The following CDH23 variants were observed in gnomAD, a reference collection of about 807,000 sequenced individuals.
CDH23 encodes cadherin related 23.
In CDH23, 189 loss-of-function variants were observed where a neutral mutation model predicts 317.1. The observed-to-expected ratio is 0.60, with a 90% CI of 0.53 to 0.67. CDH23 has a LOEUF of 0.67. Among genes scored for constraint, CDH23 ranks in the 30% least tolerant of loss-of-function variants. The pLI, the probability that CDH23 is intolerant of heterozygous loss-of-function variation, is 0.00. For missense variants in CDH23, 4,401 were observed against 4,592.4 expected (o/e 0.96, Z 1.20); for synonymous variants, 1,839 against 1,876.8 (o/e 0.98, Z 0.52).
At chr10:71,583,899 G>A (rs367697311) in intron 9 of CDH23, among the ~76,000 whole-genome samples, 40 of 152,210 alleles carry the variant, frequency 2.6e-4, no homozygotes, top group South Asian at 1.4e-3. Context: ...CAAGTCCCTC[G>A]GGTTCCAGAA....
chr10:71,788,817 G>T, intron 44 of CDH23, 123 bp from the exon 45 acceptor site: 1 of 649,086 alleles, frequency 1.5e-6, no homozygotes, highest in Non-Finnish European at 2.8e-6. Context: ...GTTCATGTTG[G>T]TGTGGGCTTT....
intron 6 of CDH23, among the ~76,000 whole-genome samples, chr10:71,530,069 A>ACACACACACACC (rs1260256322): frequency 6.9e-6 from 1 of 145,014 alleles, no homozygotes; most frequent in Non-Finnish European, 1.5e-5. Context: ...ACACACACAC[A>ACACACACACACC]CTCTCCCCAG....
chr10:71,777,335 TC>T (rs1179610355), intron 38 of CDH23, among the ~76,000 whole-genome samples: 5 of 152,280 alleles, frequency 3.3e-5, no homozygotes, highest in African/African-American at 1.2e-4. Flanking sequence ...CCAGGGTTCA[TC>T]CCATATGCCA....
At chr10:71,416,120 G>A (rs1488548407) in intron 1 of CDH23, among the ~76,000 whole-genome samples, 1 of 152,150 alleles carries the variant, frequency 6.6e-6, no homozygotes, top group South Asian at 2.1e-4. Flanking sequence ...CACCTCCCAG[G>A]TTCAAGCAAT....
chr10:71,405,520 C>A (rs778417264), intron 1 of CDH23, among the ~76,000 whole-genome samples: 2 of 151,844 alleles, frequency 1.3e-5, no homozygotes, highest in African/African-American at 4.8e-5. Flanking sequence ...TCACTGCAAC[C>A]GCCACCTCCC....
chr10:71,668,831 A>G (rs997813304), intron 14 of CDH23, among the ~76,000 whole-genome samples: 1 of 152,170 alleles, frequency 6.6e-6, no homozygotes, highest in Non-Finnish European at 1.5e-5. Context: ...TTAACCTTGG[A>G]ATTTTTCACC....
chr10:71,673,336 C>A (rs1864224914), intron 14 of CDH23, among the ~76,000 whole-genome samples: 1 of 152,226 alleles, frequency 6.6e-6, no homozygotes, highest in African/African-American at 2.4e-5. Context: ...AGTGACCCCT[C>A]GCCAAGGGGT....
intron 37 of CDH23, 146 bp from the exon 38 acceptor site, chr10:71,741,548 T>A (rs1839732513): frequency 1.5e-6 from 1 of 671,710 alleles, no homozygotes; most frequent in Non-Finnish European, 2.6e-6. Flanking sequence ...GCTGCTATCA[T>A]CCTTATTATC....
At chr10:71,753,793 C>A in intron 38 of CDH23, 1 of 456,470 alleles carries the variant, frequency 2.2e-6, no homozygotes, top group South Asian at 1.5e-5. Flanking sequence ...AGGGGCACAA[C>A]AACAGAACAA....
At chr10:71,485,446 C>T (rs907693826) in intron 3 of CDH23, among the ~76,000 whole-genome samples, 2 of 152,240 alleles carry the variant, frequency 1.3e-5, no homozygotes, top group Non-Finnish European at 2.9e-5. Context: ...ATCCGTCCTG[C>T]ATTGACCTTT....
At chr10:71,749,975 G>A (rs970830907) in intron 38 of CDH23, 11 of 152,370 alleles carry the variant, frequency 7.2e-5, no homozygotes, top group Non-Finnish European at 1.3e-4. Context: ...CCTGCTAAAC[G>A]CTACAGGGGG....
At chr10:71,584,674 G>A (rs1409667809) in intron 9 of CDH23, among the ~76,000 whole-genome samples, 1 of 152,134 alleles carries the variant, frequency 6.6e-6, no homozygotes, top group Non-Finnish European at 1.5e-5. Context: ...GCCTAGTGGG[G>A]GACAGCTATC....
At chr10:71,561,929 C>T (rs1459858080) in intron 6 of CDH23, among the ~76,000 whole-genome samples, 1 of 152,068 alleles carries the variant, frequency 6.6e-6, no homozygotes, top group Non-Finnish European at 1.5e-5. Context: ...CAGAAGTGAT[C>T]ATGCCCCATG....
At chr10:71,647,746 T>G (rs527313417) in intron 14 of CDH23, 2 of 152,322 alleles carry the variant, frequency 1.3e-5, no homozygotes, top group South Asian at 4.1e-4. Flanking sequence ...ACCCAGGGGT[T>G]GGGGTCAGCC....
At chr10:71,745,022 G>A (rs1350186373) in intron 38 of CDH23, among the ~76,000 whole-genome samples, 1 of 152,188 alleles carries the variant, frequency 6.6e-6, no homozygotes, top group East Asian at 1.9e-4. Flanking sequence ...GTGACCATAG[G>A]GACATAGAGA....
chr10:71,650,694 G>C (rs918446077), intron 14 of CDH23, among the ~76,000 whole-genome samples: 2 of 152,196 alleles, frequency 1.3e-5, no homozygotes, highest in Non-Finnish European at 2.9e-5. Flanking sequence ...GATGCTGGTG[G>C]CTCCCCATCC....
chr10:71,527,294 C>T (rs757090995), intron 6 of CDH23, among the ~76,000 whole-genome samples: 4 of 152,256 alleles, frequency 2.6e-5, no homozygotes, highest in East Asian at 1.9e-4. Flanking sequence ...GTCTCCCTCA[C>T]GGGTCAGTGC....
intron 3 of CDH23, among the ~76,000 whole-genome samples, chr10:71,467,261 A>G (rs569996064): frequency 3.9e-5 from 6 of 152,324 alleles, no homozygotes; most frequent in African/African-American, 9.6e-5. Flanking sequence ...GAACTTGAAC[A>G]AGAACATTTT....
chr10:71,810,448 C>T lies in CDH23; in HGVS notation c.8980-24C>T, dbSNP rs1170443425. 3 of 1,611,112 alleles carry T rather than the reference C, an allele frequency of 1.9e-6. No individual in the cohort carries two copies. The Admixed American group carries it at 5.0e-5, about 27-fold the overall frequency. ...TGGCCCCCTGCTGTGGTGGCCACAC[C>T]CTACAATACCCCTTCTCATCTAGTT... On this transcript the variant is annotated intron_variant, in intron 61 of 69. Transcript: ENST00000224721.
Sources: allele counts gnomAD v4.1 joint callset (sites outside exome capture counted in the v4.1 genomes callset), GRCh38; gene constraint gnomAD v4.1.1; transcripts MANE v1.5; gene names NCBI Gene and HGNC (gene_info 2026-07-23, HGNC 2026-07-21).